The following PITPNM3 variants were observed in gnomAD, a reference collection of about 807,000 sequenced individuals.
PITPNM3 encodes the protein PITPNM family member 3.
A neutral mutation model predicts 102.0 loss-of-function variants in PITPNM3; 26 were observed. The ratio of observed to expected loss-of-function variants is 0.25; its 90% CI spans 0.19 to 0.35. The LOEUF is 0.35. PITPNM3 is among the 10% of genes least tolerant of loss of function. The pLI is 1.00. For missense variants in PITPNM3, 1,083 were observed against 1,346.1 expected (o/e 0.80, Z 3.06); for synonymous variants, 578 against 558.6 (o/e 1.03, Z -0.49).
rs764840473 is a variant in PITPNM3 at position 6,477,061 on chromosome 17, C to G, written c.1053G>C (p.Glu351Asp). Residue 351 changes from glutamate (E) to aspartate (D), a missense_variant, in exon 9 of 20, where the codon GAG becomes GAC. This residue lies in a region of PITPNM3 where 172 missense variants were observed against 175.6 expected (regional missense o/e 0.98). Transcript: ENST00000262483. ...KQSDSSTYDC[E>D]AITQHHAFLS... ...GGAAGGCATGGTGCTGGGTGATGGC[C>G]TCGCAGTCATAGGTGGAGGAGTCGC... is the stretch of plus-strand genomic sequence containing the variant. 2 of 1,614,046 alleles carry G rather than the reference C, an allele frequency of 1.2e-6. No homozygotes were observed. The highest frequency in any genetic ancestry group is 4.5e-5 in the East Asian group (2 of 44,892).
chr17:6,534,304 C>T (rs778884839), intron 2 of PITPNM3, among the ~76,000 whole-genome samples: 8 of 152,170 alleles, frequency 5.3e-5, no homozygotes, highest in South Asian at 2.1e-4. Context: ...GGCACCCTGC[C>T]GAGGAGTTGT....
At chr17:6,475,839 TAGA>T in intron 9 of PITPNM3, among the ~76,000 whole-genome samples, 1 of 152,328 alleles carries the variant, frequency 6.6e-6, no homozygotes, top group East Asian at 1.9e-4. Flanking sequence ...CAAGCCTCAC[TAGA>T]AGGTAGCTGC....
chr17:6,483,014 G>T (rs1597375633), intron 6 of PITPNM3, among the ~76,000 whole-genome samples: 1 of 151,336 alleles, frequency 6.6e-6, no homozygotes, highest in South Asian at 2.1e-4. Flanking sequence ...GTGCAATCTC[G>T]GTTTACTGCA....
Position 6,451,892 on chromosome 17 carries a change from C to CCCCCA in PITPNM3, c.*3445_*3446insTGGGG, listed in dbSNP as rs55984944. On this transcript the variant is annotated 3_prime_UTR_variant, in exon 20 of 20. Transcript: ENST00000262483. ...ACCCAAACCCCCCCCCCCCGCCCGC[C>CCCCCA]GATGGGATTCGGTGGGAAAGTTGGT... 6.2e-4 allele frequency: 59 copies of CCCCCA among 94,472 alleles called. No homozygotes were observed. Among genetic ancestry groups the CCCCCA allele is most frequent in the African/African-American group, 7.5e-4 (18 of 23,848 alleles). The allele number at this position is 94,472 out of a possible 1,614,324, so 5.9% of individuals were successfully genotyped here. A position where few individuals can be genotyped will look rare whatever the true frequency, so the allele number is the denominator to read the frequency against.
At chr17:6,504,695 G>GA (rs1907382795) in intron 3 of PITPNM3, among the ~76,000 whole-genome samples, 1 of 152,180 alleles carries the variant, frequency 6.6e-6, no homozygotes, top group South Asian at 2.1e-4. Context: ...TCCAGGTCCT[G>GA]AAAGCCCTTG....
chr17:6,549,897 C>T (rs956678775), intron 1 of PITPNM3, among the ~76,000 whole-genome samples: 9 of 152,226 alleles, frequency 5.9e-5, no homozygotes, highest in Non-Finnish European at 1.3e-4. Context: ...GTGCTCTCCA[C>T]GTCCACGTCC....
chr17:6,518,468 A>G (rs1908312672), intron 3 of PITPNM3, among the ~76,000 whole-genome samples: 1 of 152,048 alleles, frequency 6.6e-6, no homozygotes, highest in South Asian at 2.1e-4. Flanking sequence ...AAAAAAAGGT[A>G]ACCTTGCTAG....
At chr17:6,512,041 G>A (rs1435710032) in intron 3 of PITPNM3, among the ~76,000 whole-genome samples, 1 of 152,204 alleles carries the variant, frequency 6.6e-6, no homozygotes, top group African/African-American at 2.4e-5. Context: ...TCTTGTGATC[G>A]ATTGTCTGGG....
intron 1 of PITPNM3, among the ~76,000 whole-genome samples, chr17:6,552,752 CTTTCTT>C: frequency 6.8e-6 from 1 of 147,612 alleles, no homozygotes; most frequent in Non-Finnish European, 1.5e-5. Context: ...CCCTGGCCAC[CTTTCTT>C]TTTCTTTTTT....
intron 17 of PITPNM3, among the ~76,000 whole-genome samples, chr17:6,463,439 GAGGGAGGC>G (rs1466610216): frequency 2.6e-5 from 4 of 151,256 alleles, no homozygotes; most frequent in African/African-American, 9.8e-5. Context: ...GGGAGGGAAG[GAGGGAGGC>G]AGGGAGGGAA....
intron 3 of PITPNM3, among the ~76,000 whole-genome samples, chr17:6,511,578 C>T (rs73978309): frequency 0.027 from 4,096 of 152,110 alleles, 169 homozygotes; most frequent in African/African-American, 0.093. Context: ...TTCAAGATGG[C>T]GACAGTAGAG....
At chr17:6,490,716 G>A (rs1365367268) in intron 4 of PITPNM3, among the ~76,000 whole-genome samples, 4 of 151,806 alleles carry the variant, frequency 2.6e-5, no homozygotes, top group African/African-American at 9.7e-5. Flanking sequence ...AGTACTTTGG[G>A]AGGCTGAGGT....
Position 6,483,594 on chromosome 17 carries a change from A to T in PITPNM3, c.510T>A (p.Pro170=). 1 of 1,614,142 alleles carries T rather than the reference A, an allele frequency of 6.2e-7. No individual in the cohort carries two copies. Residue 170 remains proline (P), a synonymous_variant, in exon 6 of 20, where the codon CCT becomes CCA. Coordinates refer to ENST00000262483, the MANE Select transcript of PITPNM3 (RefSeq NM_031220.4). The part of the protein sequence containing the change: ...VLEKVTRAHF[P]AALGHILIKF... ...TGATGAGGATGTGGCCCAGGGCAGCAGGGAAATGGGCTCGTGTGACCTTCT... is the reference window on the plus strand; with the variant it reads ...TGATGAGGATGTGGCCCAGGGCAGCTGGGAAATGGGCTCGTGTGACCTTCT...
intron 1 of PITPNM3, among the ~76,000 whole-genome samples, chr17:6,546,362 A>G (rs1397437953): frequency 6.6e-6 from 1 of 152,250 alleles, no homozygotes; most frequent in Non-Finnish European, 1.5e-5. Flanking sequence ...CAGGGCAACC[A>G]GAGGGGATCA....
chr17:6,506,528 C>A (rs1376888943), intron 3 of PITPNM3, among the ~76,000 whole-genome samples: 1 of 152,128 alleles, frequency 6.6e-6, no homozygotes, highest in African/African-American at 2.4e-5. Flanking sequence ...CCCGCCACCA[C>A]ACCCGGCTAA....
At position 6,472,850 on chromosome 17, in the gene PITPNM3, G is replaced by GTTC. The variant is rs764482507; in HGVS notation, c.1259-24_1259-23insGAA. 6.2e-7 allele frequency: 1 copy of GTTC among 1,613,414 alleles called. No homozygotes were observed. Among genetic ancestry groups the GTTC allele is most frequent in the Admixed American group, 1.7e-5 (1 of 59,986 alleles). On this transcript the variant is annotated intron_variant, in intron 10 of 19. Transcript: ENST00000262483. The surrounding 1 kb of genome is among the most constrained non-coding windows in gnomAD (Gnocchi z 4.1). ...AGCCTGGGGTGAGTGGGAAGACAGA[G>GTTC]GGAAGCCACTTTCTAGTACCTGCTC...
intron 4 of PITPNM3, among the ~76,000 whole-genome samples, chr17:6,485,744 C>G (rs1047836629): frequency 6.6e-6 from 1 of 152,206 alleles, no homozygotes; most frequent in African/African-American, 2.4e-5. Flanking sequence ...AACGCCTCCT[C>G]CTTCAAGAAG....
Position 6,538,068 on chromosome 17 carries a change from C to A in PITPNM3, c.37G>T (p.Gly13Cys), listed in dbSNP as rs767197271. 20 of 1,611,748 alleles carry A rather than the reference C, an allele frequency of 1.2e-5. No homozygotes were observed. The highest frequency in any genetic ancestry group is 1.6e-5 in the Non-Finnish European group (19 of 1,178,068). Residue 13 changes from glycine (G) to cysteine (C), a missense_variant, in exon 2 of 20, where the codon GGC becomes TGC. Around this residue, in one of 5 missense-constraint regions of PITPNM3, gnomAD observed 290 missense variants for 337.8 expected, o/e 0.86. Transcript: ENST00000262483. ...KAGRAGGPPP[G>C]GGAPWHLRNV... ...CGAAGGTGCCAGGGGGCACCGCCGC[C>A]CGGGGGAGGACCACCTGTTAAAGGG...
chr17:6,555,860 C>A (rs1432720320), intron 1 of PITPNM3, among the ~76,000 whole-genome samples: 3 of 152,048 alleles, frequency 2.0e-5, no homozygotes, highest in African/African-American at 4.8e-5. Flanking sequence ...GGCGGGGCGG[C>A]CAGCAGCCGG....
Sources: gnomAD v4.1 joint callset for allele counts (sites outside exome capture counted in the v4.1 genomes callset) on GRCh38, gnomAD v4.1.1 for gene constraint, gnomAD v4.1.1 regional missense constraint, Gnocchi (gnomAD v3.1) non-coding constraint, MANE v1.5 for transcripts, NCBI Gene and HGNC (gene_info 2026-07-23, HGNC 2026-07-21) for gene names.